FAM185A: variants seen among roughly 807,000 people sequenced by gnomAD.
The protein encoded by FAM185A is family with sequence similarity 185 member A.
A neutral mutation model predicts 45.7 loss-of-function variants in FAM185A; 21 were observed. That is an observed-to-expected ratio of 0.46 (90% CI 0.33 to 0.66). The LOEUF (loss-of-function observed/expected upper bound fraction) is 0.66, where lower values mean the gene tolerates loss of function less well. FAM185A is among the 30% of genes least tolerant of loss of function. The pLI is 0.03. For synonymous variants in FAM185A, 117 were observed against 194.0 expected, an observed-to-expected ratio of 0.60 and a Z score of 3.30; for missense variants, 305 against 485.4, an observed-to-expected ratio of 0.63 and a Z score of 3.49.
intron 4 of FAM185A, among the ~76,000 whole-genome samples, chr7:102,765,032 T>C (rs1794308901): frequency 1.3e-5 from 2 of 152,284 alleles, no homozygotes; most frequent in African/African-American, 4.8e-5. Flanking sequence ...TGTTCACAGA[T>C]GAGGAAAACT....
chr7:102,749,001 A>G lies in FAM185A; in HGVS notation c.-207A>G. On this transcript the variant is annotated 5_prime_UTR_variant, in exon 1 of 8. Coordinates refer to ENST00000413034, the MANE Select transcript of FAM185A (RefSeq NM_001145268.2). ...GCAAGGGGTCCAGGTCAGAGTTTAG[A>G]GCTTTCAAATCCCAACTTGCCCCTG... The G allele has an allele frequency of 1.2e-6, 1 of 805,996 alleles. No homozygotes were observed. Among genetic ancestry groups the G allele is most frequent in the Non-Finnish European group, 2.1e-6 (1 of 479,340 alleles). The allele number at this position is 805,996 out of a possible 1,614,324, so 49.9% of individuals were successfully genotyped here.
chr7:102,758,977 C>A (rs1793945874), intron 3 of FAM185A, among the ~76,000 whole-genome samples: 1 of 152,062 alleles, frequency 6.6e-6, no homozygotes, highest in Admixed American at 6.5e-5. Context: ...TATCTTCCAT[C>A]ACCTTTCTCT....
chr7:102,849,908 CAG>C, the FAM185A span, among the ~76,000 whole-genome samples: 1 of 151,782 alleles, frequency 6.6e-6, no homozygotes, highest in Admixed American at 6.6e-5. Flanking sequence ...GGAGGGAACT[CAG>C]AGTACAGGTC....
At chr7:102,794,525 G>T (rs1463515762) in intron 7 of FAM185A, among the ~76,000 whole-genome samples, 1 of 152,092 alleles carries the variant, frequency 6.6e-6, no homozygotes, top group Non-Finnish European at 1.5e-5. Context: ...CAAGTGTGCA[G>T]AGAAACTGGA....
intron 2 of FAM185A, among the ~76,000 whole-genome samples, chr7:102,754,203 AAT>A (rs1491543194): frequency 1.9e-4 from 23 of 118,726 alleles, no homozygotes; most frequent in East Asian, 9.9e-4. Context: ...TAATAAAAAA[AAT>A]TTTTTTTTTT....
At position 102,808,644 on chromosome 7, in the gene FAM185A, G is replaced by T; in HGVS notation, c.*242G>T. The T allele has an allele frequency of 2.5e-6, 1 of 401,248 alleles. No homozygotes were observed. 24.9% of individuals were successfully genotyped at this position (401,248 alleles called of 1,614,324 possible). ...TAATACTCATTTACAGCTATGTCTA[G>T]GTTCTCCGCTCAGGGAATCACAAGG... On this transcript the variant is annotated 3_prime_UTR_variant, in exon 8 of 8. Coordinates refer to ENST00000413034, the MANE Select transcript of FAM185A (RefSeq NM_001145268.2).
intron 7 of FAM185A, among the ~76,000 whole-genome samples, chr7:102,806,305 C>T (rs1219429171): frequency 6.6e-6 from 1 of 152,204 alleles, no homozygotes; most frequent in African/African-American, 2.4e-5. Context: ...CTACCTCAGC[C>T]TCCCAAGTAG....
downstream of FAM185A, among the ~76,000 whole-genome samples, chr7:102,809,539 C>CA (rs572344923): frequency 3.3e-5 from 5 of 151,276 alleles, no homozygotes; most frequent in African/African-American, 7.3e-5. Flanking sequence ...ACAAGAAATA[C>CA]AAAAAAAAGA....
rs1394592497 is a variant in FAM185A at position 102,766,539 on chromosome 7, TAAG to T, written c.793+5132_793+5134del. On this transcript the variant is annotated intron_variant, in intron 4 of 7. Transcript: ENST00000413034. ...TCAGAAGAAATGTCCCAATCTGCTT[TAAG>T]AAGGACTTGTAGTCACTGATAAATT... 2.0e-5 allele frequency among the ~76,000 whole-genome samples: 3 copies of T among 152,194 alleles called. No individual in the cohort carries two copies. The East Asian group carries it at 5.8e-4, about 29-fold the overall frequency.
chr7:102,756,237 T>C (rs1793725702), intron 2 of FAM185A, among the ~76,000 whole-genome samples: 1 of 152,098 alleles, frequency 6.6e-6, no homozygotes, highest in Admixed American at 6.5e-5. Context: ...TATCTCTTTA[T>C]GTAACAAAAC....
chr7:102,759,291 A>G (rs1159561332), intron 3 of FAM185A, among the ~76,000 whole-genome samples: 1 of 152,092 alleles, frequency 6.6e-6, no homozygotes, highest in Non-Finnish European at 1.5e-5. Flanking sequence ...TACCTTGAAT[A>G]TCTTGGCCAC....
chr7:102,804,736 G>A (rs1797006813), intron 7 of FAM185A, among the ~76,000 whole-genome samples: 1 of 152,214 alleles, frequency 6.6e-6, no homozygotes, highest in Admixed American at 6.5e-5. Flanking sequence ...AGTCAGCAGA[G>A]TAAACAGACA....
At chr7:102,834,086 A>AAAAG in the FAM185A span, among the ~76,000 whole-genome samples, 11,734 of 93,244 alleles carry the variant, frequency 0.13, 928 homozygotes, top group East Asian at 0.15. Flanking sequence ...GGAAGGAAAG[A>AAAAG]AAAGAAAGAA....
At chr7:102,771,429 C>T (rs1351977356) in intron 4 of FAM185A, among the ~76,000 whole-genome samples, 1 of 152,168 alleles carries the variant, frequency 6.6e-6, no homozygotes, top group Non-Finnish European at 1.5e-5. Context: ...AAATATACTC[C>T]TTGTTCATAT....
At chr7:102,839,341 G>C in the FAM185A span, among the ~76,000 whole-genome samples, 1 of 152,198 alleles carries the variant, frequency 6.6e-6, no homozygotes, top group African/African-American at 2.4e-5. Context: ...AATAATGAGG[G>C]AACTCAGAGA....
At chr7:102,819,697 ATCTC>A in the FAM185A span, among the ~76,000 whole-genome samples, 3 of 152,080 alleles carry the variant, frequency 2.0e-5, no homozygotes, top group Admixed American at 2.0e-4. Flanking sequence ...AGCCAGAAAA[ATCTC>A]TCTTATCCCA....
the FAM185A span, among the ~76,000 whole-genome samples, chr7:102,844,089 C>T: frequency 1.6e-3 from 249 of 152,336 alleles, 1 homozygote; most frequent in African/African-American, 5.5e-3. Flanking sequence ...GGCTGAACCA[C>T]TACCACAGAC....
chr7:102,850,318 T>A, the FAM185A span, among the ~76,000 whole-genome samples: 2 of 151,858 alleles, frequency 1.3e-5, no homozygotes, highest in Non-Finnish European at 2.9e-5. Flanking sequence ...CTTTGGCCAA[T>A]ACTCCTTCAT....
chr7:102,844,795 A>C, the FAM185A span, among the ~76,000 whole-genome samples: 1 of 152,222 alleles, frequency 6.6e-6, no homozygotes, highest in African/African-American at 2.4e-5. Flanking sequence ...CGCAAGTCCC[A>C]GGTTGTCACT....
Sources: gnomAD v4.1 joint callset for allele counts (sites outside exome capture counted in the v4.1 genomes callset) on GRCh38, gnomAD v4.1.1 for gene constraint, MANE v1.5 for transcripts, NCBI Gene and HGNC (gene_info 2026-07-23, HGNC 2026-07-21) for gene names.